The following ACTN1 variants were observed in gnomAD, a reference collection of about 807,000 sequenced individuals.
ACTN1 encodes alpha-actinin-1.
ACTN1 carries 30 observed loss-of-function variants against 119.6 expected under a neutral mutation model. The observed-to-expected ratio is 0.25, with a 90% CI of 0.19 to 0.34. The LOEUF (loss-of-function observed/expected upper bound fraction) is 0.34. Among genes scored for constraint, ACTN1 ranks in the 10% least tolerant of loss-of-function variants. The pLI is 1.00. For synonymous variants in ACTN1, 429 were observed against 472.6 expected, an observed-to-expected ratio of 0.91 and a Z score of 1.20; for missense variants, 764 against 1,223.4, an observed-to-expected ratio of 0.62 and a Z score of 5.60.
chr14:68,885,679 T>C lies in ACTN1; in HGVS notation c.1235-104A>G. The C allele has an allele frequency of 1.5e-6, 2 of 1,352,434 alleles. No homozygotes were observed. The highest frequency in any genetic ancestry group is 2.0e-6 in the Non-Finnish European group (2 of 996,098). The allele number at this position is 1,352,434 out of a possible 1,614,324, so 83.8% of individuals were successfully genotyped here. On this transcript the variant is annotated intron_variant, in intron 11 of 21. Coordinates refer to ENST00000394419, the MANE Select transcript of ACTN1 (RefSeq NM_001130004.2). This position sits in a 1 kb window ranked among gnomAD's most constrained non-coding sequence, Gnocchi z 5.6. ...CCAGGAGCTCCACTTCTGGGGGTGC[T>C]TCTCAAGGAGGTGCCCATTGTGCAG...
intron 1 of ACTN1, among the ~76,000 whole-genome samples, chr14:68,961,974 C>T (rs1287733169): frequency 3.3e-5 from 5 of 152,218 alleles, no homozygotes; most frequent in East Asian, 1.9e-4. Flanking sequence ...AGCTTGCCCT[C>T]GGCACCCATC....
chr14:68,875,046 G>A (rs866338070), intron 21 of ACTN1, 29 bp from the exon 22 acceptor site: 2 of 1,607,682 alleles, frequency 1.2e-6, no homozygotes, highest in Non-Finnish European at 8.5e-7. Flanking sequence ...CAGGAAGGCC[G>A]CAAAGTCCAG....
intron 1 of ACTN1, among the ~76,000 whole-genome samples, chr14:68,966,313 C>T (rs543144165): frequency 1.2e-4 from 18 of 152,258 alleles, no homozygotes; most frequent in Admixed American, 3.9e-4. Flanking sequence ...TTGGCATCAC[C>T]GCAGACCCCA....
At chr14:68,922,844 C>T (rs1234594655) in intron 2 of ACTN1, among the ~76,000 whole-genome samples, 1 of 152,226 alleles carries the variant, frequency 6.6e-6, no homozygotes, top group Non-Finnish European at 1.5e-5. Context: ...GGCAATCCTG[C>T]CGATTCTGGT....
At chr14:68,888,230 A>G (rs1266273631) in intron 11 of ACTN1, 2 of 391,394 alleles carry the variant, frequency 5.1e-6, no homozygotes, top group African/African-American at 4.2e-5. Flanking sequence ...TTCCCAGGTC[A>G]GAGTGTAGTA....
At chr14:68,961,765 A>G (rs2268969) in intron 1 of ACTN1, among the ~76,000 whole-genome samples, 26,936 of 152,240 alleles carry the variant, frequency 0.18, 4,369 homozygotes, top group East Asian at 0.85. Context: ...AGGAGGAGGC[A>G]GGAGCCATGA....
intron 1 of ACTN1, among the ~76,000 whole-genome samples, chr14:68,957,390 C>G (rs1004825337): frequency 6.6e-6 from 1 of 152,144 alleles, no homozygotes; most frequent in East Asian, 1.9e-4. Flanking sequence ...GGAGAGGGGG[C>G]CTTCTGTGCA....
intron 6 of ACTN1, among the ~76,000 whole-genome samples, chr14:68,908,589 G>C (rs2033810588): frequency 6.6e-6 from 1 of 152,174 alleles, no homozygotes; most frequent in Non-Finnish European, 1.5e-5. Context: ...GTGGCCTCTT[G>C]GCACCAAGAT....
At chr14:68,960,748 T>TA (rs11332256) in intron 1 of ACTN1, among the ~76,000 whole-genome samples, 3,658 of 141,632 alleles carry the variant, frequency 0.026, 46 homozygotes, top group Non-Finnish European at 0.032. Flanking sequence ...CTATCTCTAT[T>TA]AAAAAAAAAA....
chr14:68,925,642 G>T lies in ACTN1; in HGVS notation c.136C>A (p.Arg46=). ...TTCTCGATCTGTGTCCCCGCCTTCC[G>T]GAGGTGGGAGTTACACCATGCCGTG... ...TFTAWCNSHL[R]KAGTQIENIE... The change falls in exon 2 of 22, where the codon CGG becomes AGG. Residue 46 remains arginine, a synonymous_variant. Coordinates refer to ENST00000394419, the MANE Select transcript of ACTN1 (RefSeq NM_001130004.2). This position sits in a 1 kb window ranked among gnomAD's most constrained non-coding sequence, Gnocchi z 4.3. 6.2e-7 allele frequency: 1 copy of T among 1,613,104 alleles called. No homozygotes were observed.
At chr14:68,922,517 G>A (rs1451283016) in intron 2 of ACTN1, among the ~76,000 whole-genome samples, 2 of 152,070 alleles carry the variant, frequency 1.3e-5, no homozygotes, top group Non-Finnish European at 1.5e-5. Flanking sequence ...GCAGCACCAC[G>A]TCCCCTCCCT....
intron 3 of ACTN1, among the ~76,000 whole-genome samples, chr14:68,915,921 G>A (rs1389034844): frequency 6.6e-6 from 1 of 152,216 alleles, no homozygotes; most frequent in Non-Finnish European, 1.5e-5. Context: ...GGCTGAGGCA[G>A]GAGAATCGCT....
At chr14:68,939,058 G>T (rs2035666626) in intron 1 of ACTN1, among the ~76,000 whole-genome samples, 1 of 152,236 alleles carries the variant, frequency 6.6e-6, no homozygotes, top group African/African-American at 2.4e-5. Context: ...CACCGTGCTT[G>T]AGAGGGCTCC....
chr14:68,959,272 C>G (rs2036450466), intron 1 of ACTN1, among the ~76,000 whole-genome samples: 1 of 152,200 alleles, frequency 6.6e-6, no homozygotes, highest in African/African-American at 2.4e-5. Context: ...CTCAGCTCCC[C>G]ACAGAAATGC....
At chr14:68,957,937 G>A (rs1224396261) in intron 1 of ACTN1, among the ~76,000 whole-genome samples, 6 of 152,132 alleles carry the variant, frequency 3.9e-5, no homozygotes, top group African/African-American at 1.4e-4. Context: ...CAAACACCCT[G>A]GCTCTCCAGA....
intron 20 of ACTN1, 134 bp from the exon 21 acceptor site, chr14:68,877,374 G>C (rs1030636333): frequency 4.3e-5 from 48 of 1,125,308 alleles, no homozygotes; most frequent in Non-Finnish European, 5.8e-5. Context: ...CCTAACCTGG[G>C]TTGTCCTAAG....
intron 8 of ACTN1, among the ~76,000 whole-genome samples, chr14:68,902,033 C>CA (rs2033376304): frequency 1.3e-5 from 2 of 152,242 alleles, no homozygotes; most frequent in Non-Finnish European, 2.9e-5. Context: ...TTTATGATGC[C>CA]TTTGCCAAGT....
At position 68,878,670 on chromosome 14, in the gene ACTN1, AG is replaced by A. The variant is rs910736714; in HGVS notation, c.2362-148del. 1 of 1,543,480 alleles carries A rather than the reference AG, an allele frequency of 6.5e-7. No homozygotes were observed. Among genetic ancestry groups the A allele is most frequent in the Non-Finnish European group, 8.7e-7 (1 of 1,147,724 alleles). ...GGGGTCAGGATAGGTAAAGGAACAT[AG>A]GAGAAGATGCGAACACACATCGGTG... On this transcript the variant is annotated intron_variant, in intron 19 of 21. Coordinates refer to ENST00000394419, the MANE Select transcript of ACTN1 (RefSeq NM_001130004.2). This position sits in a 1 kb window ranked among gnomAD's most constrained non-coding sequence, Gnocchi z 4.4.
chr14:68,904,799 C>T, intron 6 of ACTN1, 63 bp from the exon 7 acceptor site: 1 of 1,452,924 alleles, frequency 6.9e-7, no homozygotes, highest in South Asian at 1.1e-5. Flanking sequence ...CTGGCTACTC[C>T]CAATTGGGTG....
Sources: gnomAD v4.1 joint callset for allele counts (sites outside exome capture counted in the v4.1 genomes callset) on GRCh38, gnomAD v4.1.1 for gene constraint, Gnocchi (gnomAD v3.1) non-coding constraint, MANE v1.5 for transcripts, NCBI Gene and HGNC (gene_info 2026-07-23, HGNC 2026-07-21) for gene names.